Variants in ORC3 observed in about 807,000 individuals in gnomAD.
ORC3 encodes origin recognition complex subunit 3.
Under a neutral mutation model 100.7 loss-of-function variants are expected in ORC3, and 78 were observed. The observed-to-expected ratio is 0.77, with a 90% CI of 0.65 to 0.94. The LOEUF (loss-of-function observed/expected upper bound fraction) is 0.94. Among genes scored for constraint, ORC3 ranks in the 40% least tolerant of loss-of-function variants. The pLI is 0.00. For synonymous variants in ORC3, 295 were observed against 289.3 expected, an observed-to-expected ratio of 1.02 and a Z score of -0.20; for missense variants, 789 against 823.9, an observed-to-expected ratio of 0.96 and a Z score of 0.52.
intron 14 of ORC3, among the ~76,000 whole-genome samples, chr6:87,655,218 T>C (rs1769580214): frequency 6.6e-6 from 1 of 152,178 alleles, no homozygotes; most frequent in Admixed American, 6.5e-5. Flanking sequence ...AGGATCTTGC[T>C]GTGTTGTCCA....
intron 13 of ORC3, among the ~76,000 whole-genome samples, chr6:87,647,220 G>A (rs1014567441): frequency 6.6e-6 from 1 of 152,116 alleles, no homozygotes; most frequent in African/African-American, 2.4e-5. Context: ...AGTAAAAGCC[G>A]TATACAGTGA....
intron 2 of ORC3, among the ~76,000 whole-genome samples, chr6:87,599,626 A>T (rs1562318723): frequency 6.7e-6 from 1 of 150,154 alleles, no homozygotes; most frequent in Non-Finnish European, 1.5e-5. Flanking sequence ...TTGGCCTCCC[A>T]AAGCGCTGGG....
Position 87,667,080 on chromosome 6 carries a change from A to G in ORC3, c.2093A>G (p.Gln698Arg). 6.2e-7 allele frequency: 1 copy of G among 1,612,366 alleles called. No individual in the cohort carries two copies. Among genetic ancestry groups the G allele is most frequent in the Non-Finnish European group, 8.5e-7 (1 of 1,179,422 alleles). Residue 698 changes from glutamine to arginine, a missense_variant, in exon 20 of 20, where the codon CAG becomes CGG. Physicochemically the swap from Gln to Arg is conservative, Grantham distance 43. Around this residue, in one of 3 missense-constraint regions of ORC3, gnomAD observed 366 missense variants for 394.2 expected, o/e 0.93. Transcript: ENST00000392844. Reference protein sequence around the residue: ...ELLGFIKPTKQKTDHVARLTW... With the variant: ...ELLGFIKPTKRKTDHVARLTW... ...TTAGGATTTATAAAACCTACCAAAC[A>G]GAAGACTGACCATGTGGCAAGACTA...
chr6:87,616,537 A>G, intron 9 of ORC3, 110 bp downstream of exon 9: 1 of 531,232 alleles, frequency 1.9e-6, no homozygotes, highest in Non-Finnish European at 3.5e-6. Flanking sequence ...AATCTAGAAT[A>G]AGTAAATTCC....
At chr6:87,643,120 G>GT (rs898299662) in intron 13 of ORC3, among the ~76,000 whole-genome samples, 24 of 151,888 alleles carry the variant, frequency 1.6e-4, no homozygotes, top group African/African-American at 5.3e-4. Context: ...GAGAGTCACT[G>GT]TTTTTTTGTG....
chr6:87,621,365 A>G lies in ORC3; in HGVS notation c.999A>G (p.Leu333=), dbSNP rs1779518918. The change falls in exon 10 of 20, where the codon TTA becomes TTG. Residue 333 remains leucine (L), a synonymous_variant. Coordinates refer to ENST00000392844, the MANE Select transcript of ORC3 (RefSeq NM_012381.4). ...CACATGTCTTTCAGCTTTCTCTATT[A>G]GAGCATTTCTATTCCCAGCCCTTAA... The part of the protein sequence containing the change: ...NFIKGLQLSL[L]EHFYSQPLSV... 2 of 1,547,768 alleles carry G rather than the reference A, an allele frequency of 1.3e-6. No homozygotes were observed. Among genetic ancestry groups the G allele is most frequent in the Non-Finnish European group, 1.7e-6 (2 of 1,155,404 alleles).
intron 8 of ORC3, among the ~76,000 whole-genome samples, chr6:87,615,726 C>A (rs990701133): frequency 6.6e-6 from 1 of 152,120 alleles, no homozygotes; most frequent in Non-Finnish European, 1.5e-5. Context: ...TTGGTTATAG[C>A]CAAGTTCAAT....
chr6:87,636,160 C>T (rs933820142), intron 12 of ORC3, among the ~76,000 whole-genome samples: 3 of 152,050 alleles, frequency 2.0e-5, no homozygotes, highest in Non-Finnish European at 4.4e-5. Flanking sequence ...TCTCGATCTT[C>T]TGACCTCCTG....
chr6:87,604,534 G>T (rs1305205497), intron 4 of ORC3, among the ~76,000 whole-genome samples: 1 of 152,178 alleles, frequency 6.6e-6, no homozygotes, highest in African/African-American at 2.4e-5. Flanking sequence ...CAAGCTAATG[G>T]AAAGAATGTT....
At chr6:87,634,699 A>G in intron 11 of ORC3, 146 bp from the exon 12 acceptor site, 1 of 595,012 alleles carries the variant, frequency 1.7e-6, no homozygotes, top group Non-Finnish European at 3.0e-6. Context: ...TCTGGATTTT[A>G]TATGTATTTC....
At chr6:87,619,493 G>A (rs1204806602) in intron 9 of ORC3, among the ~76,000 whole-genome samples, 2 of 152,114 alleles carry the variant, frequency 1.3e-5, no homozygotes, top group East Asian at 1.9e-4. Flanking sequence ...TGCAACCTCC[G>A]TCTCCCGATT....
rs769908185 is a variant in ORC3 at position 87,612,100 on chromosome 6, A to G, written c.725A>G (p.His242Arg). ...DFIIISSQHL[H>R]EFPLILIFGI... is the part of the protein sequence containing the mutation. ...TCTTTCAAAACTAGTCAACATCTCC[A>G]TGAATTTCCACTAATACTCATTTTT... Residue 242 changes from histidine (H) to arginine (R), a missense_variant, in exon 8 of 20, where the codon CAT becomes CGT. Physicochemically the swap from His to Arg is conservative, Grantham distance 29. Transcript: ENST00000392844. 1.3e-5 allele frequency: 21 copies of G among 1,608,636 alleles called. No individual in the cohort carries two copies. The highest frequency in any genetic ancestry group is 1.8e-5 in the Non-Finnish European group (21 of 1,178,904).
chr6:87,651,347 T>C (rs1314251837), intron 13 of ORC3: 3 of 455,030 alleles, frequency 6.6e-6, no homozygotes, highest in African/African-American at 6.0e-5. Context: ...CGGTGATTCC[T>C]TGGACACCAG....
At chr6:87,668,209 A>G (rs1374412605), downstream of ORC3, among the ~76,000 whole-genome samples, 2 of 152,148 alleles carry the variant, frequency 1.3e-5, no homozygotes, top group African/African-American at 4.8e-5. Context: ...CAAAATTACC[A>G]TGCAGATATG....
Position 87,603,362 on chromosome 6 carries a change from A to C in ORC3, c.178-22A>C, listed in dbSNP as rs1778105760. On this transcript the variant is annotated intron_variant, in intron 3 of 19. Transcript: ENST00000392844. The stretch of plus-strand genomic sequence containing the variant: ...CAGATTATTATTTCTAATAATAATA[A>C]GTTTTTGTGTGTTCTTTGTAGCGAC... 3.1e-6 allele frequency: 4 copies of C among 1,308,716 alleles called. No individual in the cohort carries two copies. The East Asian group carries it at 9.6e-5, about 31-fold the overall frequency. The allele number at this position is 1,308,716 out of a possible 1,614,324, so 81.1% of individuals were successfully genotyped here.
intron 16 of ORC3, among the ~76,000 whole-genome samples, chr6:87,658,507 G>A (rs1769904254): frequency 6.6e-6 from 1 of 151,436 alleles, no homozygotes; most frequent in African/African-American, 2.4e-5. Flanking sequence ...TCATTATCAA[G>A]ATGTCTAATC....
chr6:87,668,765 G>A (rs943036255), downstream of ORC3, among the ~76,000 whole-genome samples: 3 of 151,774 alleles, frequency 2.0e-5, no homozygotes, highest in South Asian at 2.1e-4. Context: ...GGTGGATCAC[G>A]TGAGGTCAGG....
intron 14 of ORC3, among the ~76,000 whole-genome samples, chr6:87,653,499 A>G (rs928000895): frequency 7.2e-5 from 11 of 152,258 alleles, no homozygotes; most frequent in African/African-American, 2.7e-4. Flanking sequence ...CCAGATCGAC[A>G]GTTTGGGGGA....
At position 87,636,402 on chromosome 6, in the gene ORC3, T is replaced by TA; in HGVS notation, c.1303-4dup. On this transcript the variant is annotated splice_region_variant and splice_polypyrimidine_tract_variant and intron_variant, in intron 12 of 19. Transcript: ENST00000392844. ...GTTCCTCACAAATGTGTTGTTCCCT[T>TA]ACAGATCAGAGAGTTGTACTGTACA... 2 of 1,591,862 alleles carry TA rather than the reference T, an allele frequency of 1.3e-6. No homozygotes were observed. The highest frequency in any genetic ancestry group is 2.2e-5 in the South Asian group (2 of 90,270).
Sources: allele counts gnomAD v4.1 joint callset (sites outside exome capture counted in the v4.1 genomes callset), GRCh38; gene constraint gnomAD v4.1.1; regional missense constraint gnomAD v4.1.1; transcripts MANE v1.5; gene names NCBI Gene and HGNC (gene_info 2026-07-23, HGNC 2026-07-21).